The following BABAM2 variants were observed in gnomAD, a reference collection of about 807,000 sequenced individuals.
BABAM2 encodes BRISC and BRCA1 A complex member 2.
BABAM2 carries 31 observed loss-of-function variants against 54.7 expected under a neutral mutation model. The ratio of observed to expected loss-of-function variants is 0.57; its 90% CI spans 0.43 to 0.77. BABAM2 has a LOEUF of 0.77. Among genes scored for constraint, BABAM2 ranks in the 30% least tolerant of loss-of-function variants. BABAM2 has a pLI of 0.00. For missense variants in BABAM2, 364 were observed against 455.8 expected (o/e 0.80, Z 1.83); for synonymous variants, 167 against 162.9 (o/e 1.03, Z -0.19).
intron 7 of BABAM2, among the ~76,000 whole-genome samples, chr2:28,146,137 T>G (rs1438979333): frequency 6.6e-6 from 1 of 152,260 alleles, no homozygotes; most frequent in Non-Finnish European, 1.5e-5. Flanking sequence ...TGCTTTATTT[T>G]TCTTGTTATT....
chr2:28,255,773 C>G (rs542217484), intron 10 of BABAM2, among the ~76,000 whole-genome samples: 5 of 152,296 alleles, frequency 3.3e-5, no homozygotes, highest in Admixed American at 6.5e-5. Flanking sequence ...CCAAGTAATC[C>G]TCCCACCTCA....
At chr2:28,034,992 C>T (rs1180630615) in intron 5 of BABAM2, among the ~76,000 whole-genome samples, 3 of 152,026 alleles carry the variant, frequency 2.0e-5, no homozygotes, top group South Asian at 2.1e-4. Flanking sequence ...ATGTGACTAT[C>T]GAGCATTTGA....
chr2:28,229,520 A>G (rs1212674684), intron 7 of BABAM2, among the ~76,000 whole-genome samples: 2 of 152,056 alleles, frequency 1.3e-5, no homozygotes, highest in African/African-American at 2.4e-5. Context: ...AACTCTTCTC[A>G]TTTATACTGT....
At position 28,208,879 on chromosome 2, in the gene BABAM2, C is replaced by T. The variant is rs576076787; in HGVS notation, c.681-28323C>T. On this transcript the variant is annotated intron_variant, in intron 7 of 11. Coordinates refer to ENST00000379624, the MANE Select transcript of BABAM2 (RefSeq NM_199191.3). ...TCTAAATGCCCCAGTCCCTGGTGAA[C>T]AATTGTAGGATTCACCCGTCTTTCT... 3.0e-4 allele frequency among the ~76,000 whole-genome samples: 45 copies of T among 152,192 alleles called. 1 individual carries two copies. Among genetic ancestry groups the T allele is most frequent in the Non-Finnish European group, 5.6e-4 (38 of 68,022 alleles).
intron 6 of BABAM2, among the ~76,000 whole-genome samples, chr2:28,122,922 T>G (rs11889865): frequency 0.088 from 13,140 of 149,850 alleles, 658 homozygotes; most frequent in East Asian, 0.13. Context: ...CAGACTTGAG[T>G]TTTTTTTTAA....
chr2:28,248,564 T>C (rs1683123148), intron 10 of BABAM2, among the ~76,000 whole-genome samples: 1 of 151,982 alleles, frequency 6.6e-6, no homozygotes, highest in South Asian at 2.1e-4. Flanking sequence ...CAAGGCGAAG[T>C]AACAGAACAA....
intron 2 of BABAM2, among the ~76,000 whole-genome samples, chr2:27,913,600 T>C (rs768309115): frequency 2.0e-4 from 30 of 152,116 alleles, no homozygotes; most frequent in Non-Finnish European, 3.8e-4. Flanking sequence ...TACATATATA[T>C]ACACACACCA....
chr2:28,066,481 G>A (rs1284616684), intron 6 of BABAM2, among the ~76,000 whole-genome samples: 3 of 152,118 alleles, frequency 2.0e-5, no homozygotes, highest in African/African-American at 7.2e-5. Context: ...TACGTTACTC[G>A]ACATTTAGTG....
chr2:27,974,062 C>A lies in BABAM2; in HGVS notation c.206-13931C>A, dbSNP rs188544254. On this transcript the variant is annotated intron_variant, in intron 3 of 11. Coordinates refer to ENST00000379624, the MANE Select transcript of BABAM2 (RefSeq NM_199191.3). The stretch of plus-strand genomic sequence containing the variant: ...ATTGAATTTATAGTTAAAAAAAAAT[C>A]TTTCACAAATGAAATGCCAGACCCA... Among the ~76,000 whole-genome samples, 491 of 152,180 alleles carry A rather than the reference C, an allele frequency of 3.2e-3. 2 individuals carry two copies. Among genetic ancestry groups the A allele is most frequent in the African/African-American group, 0.011 (473 of 41,548 alleles).
intron 6 of BABAM2, among the ~76,000 whole-genome samples, chr2:28,051,207 C>A (rs536376566): frequency 1.3e-5 from 2 of 152,328 alleles, no homozygotes; most frequent in Admixed American, 6.5e-5. Flanking sequence ...CTGTTTTACA[C>A]AGCTTCCCAA....
chr2:28,148,782 T>C (rs1671744209), intron 7 of BABAM2, among the ~76,000 whole-genome samples: 1 of 152,208 alleles, frequency 6.6e-6, no homozygotes, highest in African/African-American at 2.4e-5. Context: ...AAGCAACTTT[T>C]CCTCCTTGCT....
chr2:27,941,717 T>C (rs989327115), intron 3 of BABAM2, among the ~76,000 whole-genome samples: 3 of 152,162 alleles, frequency 2.0e-5, no homozygotes, highest in Non-Finnish European at 4.4e-5. Context: ...AAAAAATCAA[T>C]TGTGATACGA....
chr2:28,254,170 C>T (rs866234926), intron 10 of BABAM2, among the ~76,000 whole-genome samples: 1 of 152,192 alleles, frequency 6.6e-6, no homozygotes, highest in South Asian at 2.1e-4. Flanking sequence ...CTGTGGCAAA[C>T]TGCACACTCC....
At chr2:27,900,553 A>G (rs1481464642) in intron 2 of BABAM2, among the ~76,000 whole-genome samples, 5 of 152,252 alleles carry the variant, frequency 3.3e-5, no homozygotes, top group Middle Eastern at 6.8e-3. Context: ...TACTTTTCAC[A>G]TGTAATGTAG....
At chr2:27,890,557 C>T, upstream of BABAM2, 1 of 559,166 alleles carries the variant, frequency 1.8e-6, no homozygotes, top group Non-Finnish European at 3.2e-6. The surrounding 1 kb of genome is among the most constrained non-coding windows in gnomAD (Gnocchi z 4.8). Context: ...GTAACAGGGC[C>T]CTCCTGATAT....
At chr2:27,895,329 C>G (rs1410038237) in intron 2 of BABAM2, among the ~76,000 whole-genome samples, 1 of 152,132 alleles carries the variant, frequency 6.6e-6, no homozygotes, top group Non-Finnish European at 1.5e-5. Flanking sequence ...CCTTAGTCTC[C>G]CCAACAGTGA....
chr2:28,210,391 G>A (rs917586904), intron 7 of BABAM2, among the ~76,000 whole-genome samples: 28 of 152,168 alleles, frequency 1.8e-4, no homozygotes, highest in African/African-American at 6.8e-4. Flanking sequence ...TGAATGTGGT[G>A]TACCAGAAGA....
At chr2:28,221,740 A>T (rs1010996734) in intron 7 of BABAM2, among the ~76,000 whole-genome samples, 1 of 152,068 alleles carries the variant, frequency 6.6e-6, no homozygotes, top group African/African-American at 2.4e-5. Context: ...CTTGTCATTT[A>T]TTCTCTCCAG....
At chr2:27,933,479 GTATGTATA>G (rs1194070529) in intron 3 of BABAM2, among the ~76,000 whole-genome samples, 1 of 151,152 alleles carries the variant, frequency 6.6e-6, no homozygotes, top group African/African-American at 2.4e-5. Context: ...ACATATATAT[GTATGTATA>G]TATGTATATA....
Sources: allele counts gnomAD v4.1 joint callset (sites outside exome capture counted in the v4.1 genomes callset), GRCh38; gene constraint gnomAD v4.1.1; non-coding constraint Gnocchi (gnomAD v3.1); transcripts MANE v1.5; gene names NCBI Gene and HGNC (gene_info 2026-07-23, HGNC 2026-07-21).